RIPOR2: variants seen among roughly 807,000 people sequenced by gnomAD.
RIPOR2 encodes RHO family interacting cell polarization regulator 2, also known as rho family-interacting cell polarization regulator 2.
A neutral mutation model predicts 114.5 loss-of-function variants in RIPOR2; 39 were observed. The observed-to-expected ratio is 0.34, with a 90% CI of 0.26 to 0.44. The LOEUF (loss-of-function observed/expected upper bound fraction) is 0.44, where lower values mean the gene tolerates loss of function less well. Ranked by LOEUF, RIPOR2 falls within the 20% of genes least tolerant of loss-of-function variation. RIPOR2 has a pLI of 1.00. For missense variants in RIPOR2, 1,007 were observed against 1,255.1 expected (o/e 0.80, Z 2.99); for synonymous variants, 445 against 484.4 (o/e 0.92, Z 1.07).
At chr6:24,893,537 A>G (rs1767568332) in intron 1 of RIPOR2, among the ~76,000 whole-genome samples, 1 of 152,230 alleles carries the variant, frequency 6.6e-6, no homozygotes, top group South Asian at 2.1e-4. Context: ...TCTCTAGAAG[A>G]TGATTTGGTT....
intron 1 of RIPOR2, among the ~76,000 whole-genome samples, chr6:25,034,305 A>G (rs1442630315): frequency 1.8e-5 from 2 of 109,754 alleles, no homozygotes; most frequent in Admixed American, 1.4e-4. Flanking sequence ...AGTTTTGACA[A>G]CTGTTGGGGG....
intron 18 of RIPOR2, among the ~76,000 whole-genome samples, chr6:24,827,869 A>C (rs1365052801): frequency 6.6e-6 from 1 of 152,256 alleles, no homozygotes; most frequent in Non-Finnish European, 1.5e-5. Context: ...TGAAGGAAAT[A>C]AATTACAGTG....
intron 1 of RIPOR2, among the ~76,000 whole-genome samples, chr6:25,001,624 CAA>C (rs747422738): frequency 0.023 from 1,280 of 56,272 alleles, 5 homozygotes; most frequent in African/African-American, 0.044. Flanking sequence ...GACTTCATCT[CAA>C]AAAAAAAAAA....
chr6:24,837,347 T>TC (rs199557245), intron 14 of RIPOR2, among the ~76,000 whole-genome samples: 3,855 of 152,194 alleles, frequency 0.025, 162 homozygotes, highest in African/African-American at 0.084. Flanking sequence ...GGTCTCGAAC[T>TC]CTGACCTCAA....
At chr6:24,988,609 GAAT>G (rs1389356577) in intron 1 of RIPOR2, among the ~76,000 whole-genome samples, 1 of 152,118 alleles carries the variant, frequency 6.6e-6, no homozygotes, top group African/African-American at 2.4e-5. Flanking sequence ...AAAACTCAAA[GAAT>G]AATGATTGTG....
At chr6:25,032,253 C>A (rs1777025952) in intron 1 of RIPOR2, among the ~76,000 whole-genome samples, 1 of 151,268 alleles carries the variant, frequency 6.6e-6, no homozygotes, top group Non-Finnish European at 1.5e-5. Context: ...TTGTAACAAA[C>A]CTCAGGGAAC....
At chr6:25,034,092 T>TTTTATA (rs1554133872) in intron 1 of RIPOR2, among the ~76,000 whole-genome samples, 2 of 149,518 alleles carry the variant, frequency 1.3e-5, no homozygotes, top group African/African-American at 2.5e-5. Context: ...CAAAAAGGTT[T>TTTTATA]TATATATATA....
At chr6:24,859,108 A>G (rs1763806806) in intron 8 of RIPOR2, among the ~76,000 whole-genome samples, 1 of 152,204 alleles carries the variant, frequency 6.6e-6, no homozygotes, top group African/African-American at 2.4e-5. Flanking sequence ...TCTGACTCCA[A>G]TTTAAGTGTG....
upstream of RIPOR2, among the ~76,000 whole-genome samples, chr6:24,940,946 G>A (rs776168971): frequency 6.6e-6 from 1 of 152,194 alleles, no homozygotes; most frequent in East Asian, 1.9e-4. Context: ...GAGCCACTGC[G>A]CCTGGCTGGA....
At chr6:24,856,084 T>C (rs1450038370) in intron 8 of RIPOR2, among the ~76,000 whole-genome samples, 3 of 152,106 alleles carry the variant, frequency 2.0e-5, no homozygotes, top group African/African-American at 7.2e-5. Context: ...CGCTTCTACT[T>C]TCACCTGACT....
chr6:25,036,767 A>C (rs1777274752), intron 1 of RIPOR2, among the ~76,000 whole-genome samples: 1 of 152,138 alleles, frequency 6.6e-6, no homozygotes, highest in East Asian at 1.9e-4. Context: ...CTTGTACTGA[A>C]AATAGCCTGG....
chr6:25,007,890 C>T (rs1308753359), intron 1 of RIPOR2, among the ~76,000 whole-genome samples: 5 of 152,050 alleles, frequency 3.3e-5, no homozygotes, highest in African/African-American at 9.7e-5. Flanking sequence ...GCCCCACCTG[C>T]CCTCACCCCT....
At position 24,876,689 on chromosome 6, in the gene RIPOR2, A is replaced by C. The variant is rs562328783; in HGVS notation, c.62-872T>G. ...AATAAGAAGGGTAAAGGGAGTGCTC[A>C]CAAAAGATGTGATAATCTAGGTTAG... On this transcript the variant is annotated intron_variant, in intron 1 of 21. Transcript: ENST00000643898. Among the ~76,000 whole-genome samples the C allele has an allele frequency of 5.3e-5, 8 of 152,346 alleles. No homozygotes were observed. The South Asian group carries it at 1.7e-3, about 32-fold the overall frequency.
intron 1 of RIPOR2, chr6:24,911,025 C>T (rs369808356): frequency 5.0e-5 from 49 of 974,474 alleles, no homozygotes; most frequent in Non-Finnish European, 6.0e-5. Context: ...CGCGTCCGCT[C>T]GCAGCAGCTG....
intron 1 of RIPOR2, among the ~76,000 whole-genome samples, chr6:24,975,190 C>T (rs897790705): frequency 1.3e-5 from 2 of 152,176 alleles, no homozygotes; most frequent in Non-Finnish European, 2.9e-5. Flanking sequence ...TGAATCTCTA[C>T]TTATCTTCAT....
At chr6:25,030,667 G>A (rs1456619577) in intron 1 of RIPOR2, among the ~76,000 whole-genome samples, 3 of 152,018 alleles carry the variant, frequency 2.0e-5, no homozygotes, top group African/African-American at 7.2e-5. Flanking sequence ...TTTTTTAAAA[G>A]GCATAGGGTC....
At chr6:24,862,171 A>G (rs542393439) in intron 7 of RIPOR2, among the ~76,000 whole-genome samples, 2 of 152,370 alleles carry the variant, frequency 1.3e-5, no homozygotes, top group Admixed American at 1.3e-4. Flanking sequence ...ATGAAAAGGG[A>G]AAGTGCTGCG....
intron 7 of RIPOR2, among the ~76,000 whole-genome samples, chr6:24,864,119 T>C (rs1764348504): frequency 6.6e-6 from 1 of 152,074 alleles, no homozygotes; most frequent in Non-Finnish European, 1.5e-5. Context: ...CTGGCCAACG[T>C]ATAGTAAAAC....
chr6:24,948,759 G>A (rs566454266), intron 1 of RIPOR2, among the ~76,000 whole-genome samples: 2 of 152,266 alleles, frequency 1.3e-5, no homozygotes, highest in East Asian at 1.9e-4. Context: ...TCAAACTCCC[G>A]ACCTCAGGTG....
Sources: gnomAD v4.1 joint callset for allele counts (sites outside exome capture counted in the v4.1 genomes callset) on GRCh38, gnomAD v4.1.1 for gene constraint, MANE v1.5 for transcripts, NCBI Gene and HGNC (gene_info 2026-07-23, HGNC 2026-07-21) for gene names.